Variants in MAP1A observed in about 807,000 individuals in gnomAD.
The protein encoded by MAP1A is microtubule-associated protein 1A.
Under a neutral mutation model 185.9 loss-of-function variants are expected in MAP1A, and 42 were observed. The observed-to-expected ratio is 0.23, with a 90% CI of 0.18 to 0.29. MAP1A has a LOEUF of 0.29. Among genes scored for constraint, MAP1A ranks in the 10% least tolerant of loss-of-function variants. The probability of loss-of-function intolerance (pLI) is 1.00; values close to 1 mark genes in which losing one functional copy is unlikely to be tolerated. For missense variants in MAP1A, 2,995 were observed against 3,450.4 expected (o/e 0.87, Z 3.31); for synonymous variants, 1,229 against 1,335.9 (o/e 0.92, Z 1.74).
At chr15:43,517,579 A>AGGGCCC, upstream of MAP1A, 1 of 114,974 alleles carries the variant, frequency 8.7e-6, no homozygotes, top group Non-Finnish European at 1.8e-5. Context: ...CTCATCAAGC[A>AGGGCCC]CCCCCCTCCC....
Position 43,527,575 on chromosome 15 carries a change from C to T in MAP1A, c.6102C>T (p.Ser2034=), listed in dbSNP as rs909320691. Residue 2034 remains serine, a synonymous_variant, in exon 4 of 6, where the codon AGC becomes AGT. Coordinates refer to ENST00000300231, the MANE Select transcript of MAP1A (RefSeq NM_002373.6). ...TCCAGTCTGACACTCCAACCTTCAG[C>T]TATGCAGCCCTGGCAGGACCCACTG... ...KSLQSDTPTF[S]YAALAGPTVP... 10 of 1,614,044 alleles carry T rather than the reference C, an allele frequency of 6.2e-6. No individual in the cohort carries two copies. The African/African-American group carries it at 1.2e-4, about 19-fold the overall frequency.
Position 43,524,969 on chromosome 15 carries a change from C to A in MAP1A, c.3496C>A (p.Gln1166Lys). 5.0e-6 allele frequency: 8 copies of A among 1,614,154 alleles called. No homozygotes were observed. The highest frequency in any genetic ancestry group is 6.8e-6 in the Non-Finnish European group (8 of 1,180,016). The change falls in exon 4 of 6, where the codon CAA (glutamine) becomes AAA (lysine). Residue 1166 changes from glutamine (Q) to lysine (K), a missense_variant. Gln to Lys is a moderately conservative substitution (Grantham distance 53, BLOSUM62 1). Transcript: ENST00000300231. ...LSVPSPDTAN[Q>K]EPTPKSPCGL... ...CGTGCCCTCCCCAGACACTGCCAAC[C>A]AAGAGCCTACCCCCAAGTCTCCCTG...
rs774378640 is a variant in MAP1A at position 43,529,372 on chromosome 15, T to C, written c.7899T>C (p.Gly2633=). ...DLRGKRSPTP[G]KGPADRASRA... ...GGGGAAAACGCTCACCCACCCCTGG[T>C]AAAGGGCCTGCAGATCGAGCATCCC... Residue 2633 remains glycine, a synonymous_variant, in exon 4 of 6, where the codon GGT becomes GGC. Transcript: ENST00000300231. The surrounding 1 kb of genome is among the most constrained non-coding windows in gnomAD (Gnocchi z 4.3). The C allele has an allele frequency of 2.5e-6, 4 of 1,613,744 alleles. No homozygotes were observed. The highest frequency in any genetic ancestry group is 8.5e-7 in the Non-Finnish European group (1 of 1,179,978).
Position 43,524,801 on chromosome 15 carries a change from G to C in MAP1A, c.3328G>C (p.Gly1110Arg), listed in dbSNP as rs780184208. 3.7e-6 allele frequency: 6 copies of C among 1,614,182 alleles called. No individual in the cohort carries two copies. In the Admixed American group the frequency reaches 8.3e-5, roughly 22 times the overall value. The stretch of plus-strand genomic sequence containing the variant: ...GATTATGGAGGCAGGAGAGCCCACA[G>C]GCCCAATTCTGGGAGCAGAAGCCCT... The part of the protein sequence containing the change: ...FEIMEAGEPT[G>R]PILGAEALPG... Residue 1110 changes from glycine to arginine, a missense_variant, in exon 4 of 6, where the codon GGC becomes CGC. Physicochemically the swap from Gly to Arg is moderately radical, Grantham distance 125 (BLOSUM62 -2). This residue lies in a region of MAP1A where 2,728 missense variants were observed against 2,986.0 expected (regional missense o/e 0.91). Transcript: ENST00000300231.
In MAP1A at chr15:43,530,130, A is replaced by G; in HGVS notation, c.8318A>G (p.Glu2773Gly). The G allele has an allele frequency of 3.1e-6, 5 of 1,614,196 alleles. No homozygotes were observed. The highest frequency in any genetic ancestry group is 4.2e-6 in the Non-Finnish European group (5 of 1,180,032). The change falls in exon 6 of 6, where the codon GAG (glutamate) becomes GGG (glycine). Residue 2773 changes from glutamate (E) to glycine (G), a missense_variant. Glu to Gly is a moderately conservative substitution (Grantham distance 98). Coordinates refer to ENST00000300231, the MANE Select transcript of MAP1A (RefSeq NM_002373.6). Reference sequence around the variant, plus strand: ...CGTGAGTGGTACCAACAAACTCATGAGCAGCAGCAACAACTGAATGTCCTG... The same window carrying G: ...CGTGAGTGGTACCAACAAACTCATGGGCAGCAGCAACAACTGAATGTCCTG... ...VTREWYQQTH[E>G]QQQQLNVLVL...
upstream of MAP1A, among the ~76,000 whole-genome samples, chr15:43,514,046 T>G (rs1390237179): frequency 6.6e-6 from 1 of 152,214 alleles, no homozygotes; most frequent in Non-Finnish European, 1.5e-5. Flanking sequence ...CAGATTAAGA[T>G]GCAGCGATAC....
rs745720733 is a variant in MAP1A at position 43,523,758 on chromosome 15, G to A, written c.2285G>A (p.Arg762His). 1.4e-5 allele frequency: 23 copies of A among 1,613,944 alleles called. No homozygotes were observed. The highest frequency in any genetic ancestry group is 1.0e-4 in the Admixed American group (6 of 59,996). ...GAGATCCATGATGAGCCGGAGGAGC[G>A]CCCAGCTCCACCCAGATTTCATACA... ...DEEIHDEPEE[R>H]PAPPRFHTST... Residue 762 changes from arginine (R) to histidine (H), a missense_variant, in exon 4 of 6, where the codon CGC (arginine) becomes CAC (histidine). Physicochemically the swap from Arg to His is conservative, Grantham distance 29. This residue lies in a region of MAP1A where 2,728 missense variants were observed against 2,986.0 expected (regional missense o/e 0.91). Transcript: ENST00000300231.
rs2079367720 is a variant in MAP1A, at chr15:43,530,541, A to G, written c.*317A>G. ...TGAATGGGGACTGAGGATGGGTCTC[A>G]GAGAGCAACCTCCTCCCTCGTAGAG... On this transcript the variant is annotated 3_prime_UTR_variant, in exon 6 of 6. Coordinates refer to ENST00000300231, the MANE Select transcript of MAP1A (RefSeq NM_002373.6). The G allele has an allele frequency of 3.4e-6, 1 of 292,520 alleles. No homozygotes were observed. Among genetic ancestry groups the G allele is most frequent in the Admixed American group, 4.7e-5 (1 of 21,198 alleles). 18.1% of individuals were successfully genotyped at this position (292,520 alleles called of 1,614,324 possible).
Position 43,527,689 on chromosome 15 carries a change from C to G in MAP1A, c.6216C>G (p.Gly2072=), listed in dbSNP as rs368162608. The part of the protein sequence containing the change: ...VPPRAPILSK[G]PSPPLNGNIL... The stretch of plus-strand genomic sequence containing the variant: ...CCCGTGCTCCTATCCTGAGCAAAGG[C>G]CCAAGCCCCCCTCTTAATGGTAACA... Residue 2072 remains glycine, a synonymous_variant, in exon 4 of 6, where the codon GGC becomes GGG. Coordinates refer to ENST00000300231, the MANE Select transcript of MAP1A (RefSeq NM_002373.6). 2.5e-6 allele frequency: 4 copies of G among 1,611,072 alleles called. No homozygotes were observed. The African/African-American group carries it at 5.4e-5, about 22-fold the overall frequency.
chr15:43,511,256 C>T, intron 1 of MAP1A: 2 of 1,509,124 alleles, frequency 1.3e-6, no homozygotes, highest in South Asian at 2.4e-5. Flanking sequence ...GTGCTTCAGG[C>T]ATCTCTACCC....
exon 2 of MAP1A, chr15:43,512,284 G>A (rs781244918): frequency 6.5e-7 from 1 of 1,537,512 alleles, no homozygotes; most frequent in South Asian, 1.2e-5. Flanking sequence ...TCTCCTCAGA[G>A]GTCAAAGGTT....
chr15:43,525,673 T>C lies in MAP1A; in HGVS notation c.4200T>C (p.Ala1400=). ...AGGCTCTGCATGTAAAGAATGAGGC[T>C]GTGAAACAGCAGGATAAGGCTTTAG... ...KDEALHVKNE[A]VKQQDKALEQ... Residue 1400 remains alanine, a synonymous_variant, in exon 4 of 6, where the codon GCT becomes GCC. Transcript: ENST00000300231. 6.2e-7 allele frequency: 1 copy of C among 1,614,022 alleles called. No individual in the cohort carries two copies. The highest frequency in any genetic ancestry group is 1.1e-5 in the South Asian group (1 of 91,070).
chr15:43,520,590 C>T (rs1290743129), intron 1 of MAP1A, 51 bp from the exon 2 acceptor site: 3 of 1,217,972 alleles, frequency 2.5e-6, no homozygotes, highest in Non-Finnish European at 3.5e-6. Context: ...CTCTCCTGCA[C>T]CACAATTTCT....
rs182626039 is a variant in MAP1A at position 43,520,943 on chromosome 15, C to G, written c.-291-29C>G. On this transcript the variant is annotated intron_variant, in intron 2 of 5. Transcript: ENST00000300231. ...TTGCCTTTCCCTGGATTTCCTATAT[C>G]TGTGACCACTCCCCTTCTTCCATTC... The G allele has an allele frequency of 1.9e-6, 3 of 1,544,424 alleles. No individual in the cohort carries two copies. In the East Asian group the frequency reaches 7.3e-5, roughly 38 times the overall value.
At position 43,525,577 on chromosome 15, in the gene MAP1A, G is replaced by A; in HGVS notation, c.4104G>A (p.Gln1368=). ...KEPEPKDEVL[Q]QKDKTLEHKE... ...CTGAGCCAAAGGATGAAGTTTTACA[G>A]CAGAAAGACAAAACTCTGGAGCACA... The change falls in exon 4 of 6, where the codon CAG becomes CAA. Residue 1368 remains glutamine, a synonymous_variant. Coordinates refer to ENST00000300231, the MANE Select transcript of MAP1A (RefSeq NM_002373.6). 1 of 1,614,188 alleles carries A rather than the reference G, an allele frequency of 6.2e-7. No individual in the cohort carries two copies. Among genetic ancestry groups the A allele is most frequent in the Non-Finnish European group, 8.5e-7 (1 of 1,180,038 alleles).
rs56321997 is a variant in MAP1A at position 43,525,302 on chromosome 15, A to G, written c.3829A>G (p.Thr1277Ala). 0.016 allele frequency: 26,025 copies of G among 1,614,174 alleles called. 275 individuals are homozygous for G. Among genetic ancestry groups the G allele is most frequent in the Non-Finnish European group, 0.02 (23,226 of 1,180,032 alleles). The change falls in exon 4 of 6, where the codon ACA becomes GCA. Residue 1277 changes from threonine (T) to alanine (A), a missense_variant. Physicochemically the swap from Thr to Ala is moderately conservative, Grantham distance 58. Around this residue, in one of 3 missense-constraint regions of MAP1A, gnomAD observed 2,728 missense variants for 2,986.0 expected, o/e 0.91. Coordinates refer to ENST00000300231, the MANE Select transcript of MAP1A (RefSeq NM_002373.6). ...TGGGACAACTCGATACTCTGCACAGACAGACATCACAGATGACAGCCTTGA... is the reference window on the plus strand; with the variant it reads ...TGGGACAACTCGATACTCTGCACAGGCAGACATCACAGATGACAGCCTTGA... ...TDGTTRYSAQ[T>A]DITDDSLDRK...
rs879907840 is a variant in MAP1A at position 43,522,793 on chromosome 15, G to C, written c.1320G>C (p.Lys440Asn). The C allele has an allele frequency of 1.9e-6, 3 of 1,566,414 alleles. No homozygotes were observed. The highest frequency in any genetic ancestry group is 1.7e-6 in the Non-Finnish European group (2 of 1,151,752). ...AGGATGAAGGAAGGAAGGAGGAGAA[G>C]AAGGATGCCAAGAAGGAGGAGAAGA... Reference protein sequence around the residue: ...LKKDEGRKEEKKDAKKEEKRK... With the variant: ...LKKDEGRKEENKDAKKEEKRK... Residue 440 changes from lysine (K) to asparagine (N), a missense_variant, in exon 4 of 6, where the codon AAG becomes AAC. Physicochemically the swap from Lys to Asn is moderately conservative, Grantham distance 94. Transcript: ENST00000300231. This position sits in a 1 kb window ranked among gnomAD's most constrained non-coding sequence, Gnocchi z 5.9.
In MAP1A at chr15:43,527,741, T is replaced by C. The variant is rs746132226; in HGVS notation, c.6268T>C (p.Ser2090Pro). The change falls in exon 4 of 6, where the codon TCC becomes CCC. Residue 2090 changes from serine to proline, a missense_variant. Around this residue, in one of 3 missense-constraint regions of MAP1A, gnomAD observed 2,728 missense variants for 2,986.0 expected, o/e 0.91. Transcript: ENST00000300231. ...NILSCSPDRR[S>P]PSPKESGRSH... ...CCTGAGCTGCAGCCCAGATAGGAGG[T>C]CCCCATCCCCCAAGGAATCAGGCCG... 23 of 1,610,230 alleles carry C rather than the reference T, an allele frequency of 1.4e-5. No individual in the cohort carries two copies. The highest frequency in any genetic ancestry group is 1.0e-5 in the Non-Finnish European group (12 of 1,179,300).
chr15:43,512,168 CTTCT>C (rs1566975216), intron 1 of MAP1A: 3 of 1,424,328 alleles, frequency 2.1e-6, no homozygotes, highest in Non-Finnish European at 1.9e-6. Context: ...TATCCAGAAC[CTTCT>C]TTGTTTTTCT....
Sources: gnomAD v4.1 joint callset for allele counts (sites outside exome capture counted in the v4.1 genomes callset) on GRCh38, gnomAD v4.1.1 for gene constraint, gnomAD v4.1.1 regional missense constraint, Gnocchi (gnomAD v3.1) non-coding constraint, MANE v1.5 for transcripts, NCBI Gene and HGNC (gene_info 2026-07-23, HGNC 2026-07-21) for gene names.